GNA14: variants seen among roughly 807,000 people sequenced by gnomAD.
The protein encoded by GNA14 is G protein subunit alpha 14.
GNA14 carries 50 observed loss-of-function variants against 42.0 expected under a neutral mutation model. The observed-to-expected ratio is 1.19, with a 90% CI of 0.95 to 1.51. GNA14 has a LOEUF of 1.51. GNA14 is among the 40% of genes most tolerant of loss of function. The pLI, the probability that GNA14 is intolerant of heterozygous loss-of-function variation, is 0.00. For missense variants in GNA14, 473 were observed against 446.2 expected (o/e 1.06, Z -0.54); for synonymous variants, 173 against 163.1 (o/e 1.06, Z -0.46).
At chr9:77,453,788 C>T (rs983602052) in intron 2 of GNA14, among the ~76,000 whole-genome samples, 4 of 152,118 alleles carry the variant, frequency 2.6e-5, no homozygotes, top group Admixed American at 2.6e-4. Flanking sequence ...TGGGGAGGCC[C>T]GAACACAGCA....
chr9:77,619,995 T>C (rs1437960830), intron 1 of GNA14, among the ~76,000 whole-genome samples: 1 of 152,110 alleles, frequency 6.6e-6, no homozygotes, highest in Non-Finnish European at 1.5e-5. Flanking sequence ...CAAAGAAATA[T>C]AAAGAAATCT....
chr9:77,495,433 A>G (rs1030471665), intron 2 of GNA14, among the ~76,000 whole-genome samples: 16 of 152,262 alleles, frequency 1.1e-4, no homozygotes, highest in Non-Finnish European at 1.0e-4. Context: ...CAGACGCACA[A>G]AAAAGAATGT....
At chr9:77,535,699 G>A (rs141345954) in intron 1 of GNA14, among the ~76,000 whole-genome samples, 116 of 152,246 alleles carry the variant, frequency 7.6e-4, no homozygotes, top group Admixed American at 2.0e-3. Context: ...TGGGCCCCTT[G>A]TCAGGTCTAA....
intron 1 of GNA14, among the ~76,000 whole-genome samples, chr9:77,591,907 T>C (rs528554095): frequency 7.2e-5 from 10 of 138,508 alleles, no homozygotes; most frequent in African/African-American, 2.7e-4. Context: ...AGCACCGTTT[T>C]TTGTTTTTTG....
intron 2 of GNA14, among the ~76,000 whole-genome samples, chr9:77,462,136 C>A (rs759012844): frequency 6.6e-6 from 1 of 152,120 alleles, no homozygotes; most frequent in Non-Finnish European, 1.5e-5. Context: ...TCTTGACTAC[C>A]GAGAAGTAAA....
chr9:77,534,382 G>A (rs1227080397), intron 1 of GNA14, among the ~76,000 whole-genome samples: 1 of 152,190 alleles, frequency 6.6e-6, no homozygotes, highest in South Asian at 2.1e-4. Flanking sequence ...GGAGCCAGGA[G>A]GAAACAGAGG....
chr9:77,494,762 G>A (rs1836843753), intron 2 of GNA14, among the ~76,000 whole-genome samples: 1 of 141,760 alleles, frequency 7.1e-6, no homozygotes, highest in East Asian at 2.1e-4. Flanking sequence ...TATGCAAAGA[G>A]TTGTGGGGTT....
intron 2 of GNA14, among the ~76,000 whole-genome samples, chr9:77,466,890 C>A (rs1836244292): frequency 1.3e-5 from 2 of 152,016 alleles, no homozygotes; most frequent in South Asian, 4.1e-4. Flanking sequence ...GGGTGTTTCT[C>A]CCCTTCACTT....
intron 2 of GNA14, among the ~76,000 whole-genome samples, chr9:77,493,157 T>C (rs1836814239): frequency 1.3e-5 from 2 of 150,850 alleles, no homozygotes; most frequent in East Asian, 2.0e-4. Flanking sequence ...ATTTGAAGGA[T>C]TGGTATGCTA....
chr9:77,469,600 C>T (rs1261871566), intron 2 of GNA14, among the ~76,000 whole-genome samples: 4 of 151,264 alleles, frequency 2.6e-5, no homozygotes, highest in Admixed American at 2.6e-4. Flanking sequence ...ACCCTAACTT[C>T]CCAGAAGTTC....
intron 2 of GNA14, among the ~76,000 whole-genome samples, chr9:77,494,508 A>G (rs1212741489): frequency 6.6e-6 from 1 of 152,228 alleles, no homozygotes; most frequent in Non-Finnish European, 1.5e-5. Context: ...CTCACAAAGC[A>G]TGTTAGTGTA....
At chr9:77,633,939 C>T (rs1165132362) in intron 1 of GNA14, among the ~76,000 whole-genome samples, 2 of 152,160 alleles carry the variant, frequency 1.3e-5, no homozygotes, top group East Asian at 1.9e-4. Context: ...ATAAACGTCA[C>T]TGCTTTAATA....
At chr9:77,576,631 C>T (rs1248749634) in intron 1 of GNA14, among the ~76,000 whole-genome samples, 1 of 152,110 alleles carries the variant, frequency 6.6e-6, no homozygotes, top group Non-Finnish European at 1.5e-5. Flanking sequence ...CCACCTTTCC[C>T]TCCACATTCC....
intron 2 of GNA14, among the ~76,000 whole-genome samples, chr9:77,497,383 A>G (rs556660360): frequency 2.6e-5 from 4 of 152,268 alleles, no homozygotes; most frequent in Admixed American, 6.5e-5. Context: ...GTTTCCAGCC[A>G]TAATTCCTCT....
chr9:77,641,393 C>G (rs1318521500), intron 1 of GNA14, among the ~76,000 whole-genome samples: 1 of 151,694 alleles, frequency 6.6e-6, no homozygotes, highest in Non-Finnish European at 1.5e-5. Context: ...CAGACAATAT[C>G]TTAACCAGGC....
chr9:77,433,361 G>A lies in GNA14; in HGVS notation c.464+1007C>T, dbSNP rs182667950. The stretch of plus-strand genomic sequence containing the variant: ...GACCAGACTGAGGAGGCATTGCCCC[G>A]GGATATTATTATTTATTTATTTATT... On this transcript the variant is annotated intron_variant, in intron 3 of 6. Transcript: ENST00000341700. Among the ~76,000 whole-genome samples, 436 of 152,036 alleles carry A rather than the reference G, an allele frequency of 2.9e-3. 2 individuals are homozygous for A. The highest frequency in any genetic ancestry group is 3.6e-3 in the Non-Finnish European group (243 of 67,998).
At chr9:77,490,083 T>C (rs546668041) in intron 2 of GNA14, among the ~76,000 whole-genome samples, 102 of 148,302 alleles carry the variant, frequency 6.9e-4, no homozygotes, top group African/African-American at 2.1e-3. Flanking sequence ...AGAGTGTCGA[T>C]TGGTGCACTC....
chr9:77,634,082 T>A (rs182274337), intron 1 of GNA14, among the ~76,000 whole-genome samples: 1 of 152,198 alleles, frequency 6.6e-6, no homozygotes, highest in African/African-American at 2.4e-5. Flanking sequence ...TAGTTTTGGT[T>A]ACATATCAAA....
At position 77,425,546 on chromosome 9, in the gene GNA14, C is replaced by G; in HGVS notation, c.877+16G>C. 6.3e-7 allele frequency: 1 copy of G among 1,583,720 alleles called. No homozygotes were observed. The highest frequency in any genetic ancestry group is 8.6e-7 in the Non-Finnish European group (1 of 1,161,860). On this transcript the variant is annotated intron_variant, in intron 6 of 6. Transcript: ENST00000341700. Reference sequence around the variant, plus strand: ...AGATCAGCACAGAAAACACTGTCCACAAGATAGACACTTACCTGTGTATTC... The same window carrying G: ...AGATCAGCACAGAAAACACTGTCCAGAAGATAGACACTTACCTGTGTATTC...
Sources: allele counts gnomAD v4.1 joint callset (sites outside exome capture counted in the v4.1 genomes callset), GRCh38; gene constraint gnomAD v4.1.1; transcripts MANE v1.5; gene names NCBI Gene and HGNC (gene_info 2026-07-23, HGNC 2026-07-21).